C2CD3: variants seen among roughly 807,000 people sequenced by gnomAD.
C2CD3 encodes the protein C2 domain-containing protein 3.
In C2CD3, 148 loss-of-function variants were observed where a neutral mutation model predicts 234.0. That is an observed-to-expected ratio of 0.63 (90% CI 0.55 to 0.72). The LOEUF (loss-of-function observed/expected upper bound fraction) is 0.72. Ranked by LOEUF, C2CD3 falls within the 30% of genes least tolerant of loss-of-function variation. The pLI, the probability that C2CD3 is intolerant of heterozygous loss-of-function variation, is 0.00. For synonymous variants in C2CD3, 1,000 were observed against 1,035.4 expected, an observed-to-expected ratio of 0.97 and a Z score of 0.66; for missense variants, 2,577 against 2,811.5, an observed-to-expected ratio of 0.92 and a Z score of 1.89.
At position 74,095,365 on chromosome 11, in the gene C2CD3, A is replaced by G; in HGVS notation, c.3023T>C (p.Ile1008Thr). The change falls in exon 17 of 33, where the codon ATC becomes ACC. Residue 1008 changes from isoleucine to threonine, a missense_variant. Coordinates refer to ENST00000334126, the MANE Select transcript of C2CD3 (RefSeq NM_001286577.2). ...GNGLMEHCFE[I>T]HIEMVKGLAP... is the part of the protein sequence containing the mutation. The stretch of plus-strand genomic sequence containing the variant: ...TAGCCCTTTAACCATCTCTATATGG[A>G]TCTCAAAGCAGTGCTCCATCAGTCC... 1 of 1,613,692 alleles carries G rather than the reference A, an allele frequency of 6.2e-7. No individual in the cohort carries two copies. Among genetic ancestry groups the G allele is most frequent in the South Asian group, 1.1e-5 (1 of 91,034 alleles).
chr11:74,117,566 C>G (rs192788582), intron 9 of C2CD3, among the ~76,000 whole-genome samples: 1 of 151,516 alleles, frequency 6.6e-6, no homozygotes, highest in Non-Finnish European at 1.5e-5. Flanking sequence ...AAGAATGATA[C>G]AATGGACTTT....
At chr11:74,073,218 T>C (rs142671713) in intron 24 of C2CD3, among the ~76,000 whole-genome samples, 10 of 152,286 alleles carry the variant, frequency 6.6e-5, no homozygotes, top group South Asian at 4.1e-4. Flanking sequence ...TATATTTACA[T>C]AGAGTTATCA....
intron 8 of C2CD3, among the ~76,000 whole-genome samples, chr11:74,119,291 T>C (rs1375422128): frequency 1.3e-5 from 2 of 152,160 alleles, no homozygotes; most frequent in Non-Finnish European, 2.9e-5. Flanking sequence ...TTTACTATAG[T>C]CACAAATTTT....
chr11:74,095,305 T>C lies in C2CD3; in HGVS notation c.3083A>G (p.Asp1028Gly), dbSNP rs1182943415. 1.2e-6 allele frequency: 2 copies of C among 1,613,904 alleles called. No individual in the cohort carries two copies. The highest frequency in any genetic ancestry group is 3.3e-5 in the Admixed American group (2 of 60,018). The change falls in exon 17 of 33, where the codon GAT (aspartate) becomes GGT (glycine). Residue 1028 changes from aspartate (D) to glycine (G), a missense_variant. By Grantham distance (94) the Asp-to-Gly change is moderately conservative (BLOSUM62 -1). Transcript: ENST00000334126. ...TGGAAAGTAGTACTGGACATAACAA[T>C]CTGCTTCTCCCCAGACTGTTGCCTG... ...PLQATVWGEADCYVQYYFPVQ... is the reference protein window; with the variant it reads ...PLQATVWGEAGCYVQYYFPVQ...
chr11:74,057,334 C>T (rs555288504), intron 25 of C2CD3, 72 bp downstream of exon 25: 780 of 1,541,024 alleles, frequency 5.1e-4, no homozygotes, highest in Non-Finnish European at 6.6e-4. Flanking sequence ...TGGTTATAGT[C>T]CTTGCTCTGA....
intron 20 of C2CD3, among the ~76,000 whole-genome samples, chr11:74,087,031 T>C (rs1419461442): frequency 6.6e-6 from 1 of 152,200 alleles, no homozygotes; most frequent in Non-Finnish European, 1.5e-5. Context: ...AAGATGAGGT[T>C]AACATAAGAT....
At chr11:74,132,725 T>C (rs190943443) in intron 7 of C2CD3, 119 bp downstream of exon 7, 75 of 924,758 alleles carry the variant, frequency 8.1e-5, no homozygotes, top group South Asian at 3.0e-4. Flanking sequence ...GTTTAAGGAA[T>C]AGGGAAGGGC....
intron 9 of C2CD3, among the ~76,000 whole-genome samples, chr11:74,116,055 A>G (rs990070660): frequency 1.3e-5 from 2 of 152,178 alleles, no homozygotes; most frequent in African/African-American, 4.8e-5. Context: ...CCTTCTAGAC[A>G]TGGTTTAGAC....
In C2CD3 at chr11:74,117,361, A is replaced by AAT. The variant is rs71469494; in HGVS notation, c.1520+865_1520+866dup. ...ACATCGTCTAAGTCATTTGGCCTCA[A>AAT]ATATATATATATATATATATATATA... On this transcript the variant is annotated intron_variant, in intron 9 of 32. Coordinates refer to ENST00000334126, the MANE Select transcript of C2CD3 (RefSeq NM_001286577.2). 6.7e-3 allele frequency among the ~76,000 whole-genome samples: 638 copies of AAT among 94,774 alleles called. 6 individuals carry two copies. Among genetic ancestry groups the AAT allele is most frequent in the South Asian group, 0.016 (46 of 2,868 alleles). The allele number at this position is 94,774 out of a possible 152,430, so 62.2% of individuals were successfully genotyped here.
chr11:74,041,495 A>G (rs1259954851), intron 29 of C2CD3, among the ~76,000 whole-genome samples: 1 of 152,118 alleles, frequency 6.6e-6, no homozygotes, highest in Non-Finnish European at 1.5e-5. Context: ...ACCCTGCATT[A>G]TAATTATTTG....
chr11:74,051,412 T>C (rs1953681575), intron 26 of C2CD3, among the ~76,000 whole-genome samples: 1 of 152,102 alleles, frequency 6.6e-6, no homozygotes. Flanking sequence ...GGGGATGAAG[T>C]ATGATGGAGG....
chr11:74,058,920 C>T (rs1164050064), intron 24 of C2CD3, among the ~76,000 whole-genome samples: 1 of 152,154 alleles, frequency 6.6e-6, no homozygotes, highest in African/African-American at 2.4e-5. Flanking sequence ...GGGCTAGTGG[C>T]TACCATACTG....
chr11:74,091,911 A>C (rs1427688207), intron 19 of C2CD3, among the ~76,000 whole-genome samples: 1 of 152,148 alleles, frequency 6.6e-6, no homozygotes, highest in Non-Finnish European at 1.5e-5. Context: ...ATTTTTTCCA[A>C]GACAAGGTGT....
intron 30 of C2CD3, among the ~76,000 whole-genome samples, chr11:74,035,424 A>C (rs550527350): frequency 2.8e-4 from 42 of 152,348 alleles, no homozygotes; most frequent in South Asian, 6.2e-4. Flanking sequence ...TTCACGAGTT[A>C]AATAAGATTG....
In C2CD3 at chr11:74,033,753, G is replaced by C; in HGVS notation, c.6407C>G (p.Ala2136Gly). 3.3e-6 allele frequency: 5 copies of C among 1,536,368 alleles called. No homozygotes were observed. Among genetic ancestry groups the C allele is most frequent in the Middle Eastern group, 1.7e-4 (1 of 5,992 alleles). ...KSSFLSSPER[A>G]VNPHLPRQGS... ...CTGCCTAGGCAGGTGGGGGTTGACA[G>C]CCCTTTCTGGGCTGGAGAGAAAGCT... Residue 2136 changes from alanine (A) to glycine (G), a missense_variant, in exon 31 of 33, where the codon GCT becomes GGT. Ala to Gly is a moderately conservative substitution (Grantham distance 60). Transcript: ENST00000334126.
intron 19 of C2CD3, chr11:74,091,311 A>T (rs2135482317): frequency 6.0e-6 from 1 of 166,486 alleles, no homozygotes; most frequent in South Asian, 1.6e-4. Flanking sequence ...ACATACTTCT[A>T]TCACCCTCCT....
chr11:74,057,851 G>C (rs1954032769), intron 24 of C2CD3, among the ~76,000 whole-genome samples: 1 of 152,128 alleles, frequency 6.6e-6, no homozygotes, highest in Admixed American at 6.5e-5. Flanking sequence ...TGTAGTCCCA[G>C]CTACTCAGGA....
chr11:74,127,807 CTCA>C (rs1158067832), intron 7 of C2CD3, among the ~76,000 whole-genome samples: 3 of 151,802 alleles, frequency 2.0e-5, no homozygotes, highest in Non-Finnish European at 4.4e-5. Flanking sequence ...GAAGTAGTAT[CTCA>C]TTGTCTTGAT....
intron 32 of C2CD3, among the ~76,000 whole-genome samples, chr11:74,018,868 G>A (rs1951973815): frequency 6.6e-6 from 1 of 152,056 alleles, no homozygotes; most frequent in African/African-American, 2.4e-5. Context: ...TAAATTAGAG[G>A]TCTGGTCATG....
Sources: allele counts gnomAD v4.1 joint callset (sites outside exome capture counted in the v4.1 genomes callset), GRCh38; gene constraint gnomAD v4.1.1; transcripts MANE v1.5; gene names NCBI Gene and HGNC (gene_info 2026-07-23, HGNC 2026-07-21).